Variants in AADAC observed in about 807,000 individuals in gnomAD.
The protein encoded by AADAC is arylacetamide deacetylase.
AADAC carries 17 observed loss-of-function variants against 22.7 expected under a neutral mutation model. That is an observed-to-expected ratio of 0.75 (90% CI 0.51 to 1.12). The LOEUF (loss-of-function observed/expected upper bound fraction) is 1.12. Among genes scored for constraint, AADAC ranks in the 50% most tolerant of loss-of-function variants. The pLI is 0.00. For missense variants in AADAC, 465 were observed against 473.9 expected (o/e 0.98, Z 0.17); for synonymous variants, 167 against 176.3 (o/e 0.95, Z 0.42).
In AADAC at chr3:151,824,571, T is replaced by C. The variant is rs528518511; in HGVS notation, c.432-92T>C. On this transcript the variant is annotated intron_variant, in intron 3 of 4. Transcript: ENST00000232892. ...ATGTATTAGGTTGGTGCAAAAGTTA[T>C]TGCGGTTTTGTCATTACTTTTGCAC... 1.6e-5 allele frequency: 17 copies of C among 1,053,526 alleles called. No homozygotes were observed. In the African/African-American group the frequency reaches 2.5e-4, roughly 15 times the overall value. The allele number at this position is 1,053,526 out of a possible 1,614,324, so 65.3% of individuals were successfully genotyped here.
chr3:151,820,358 T>C, intron 2 of AADAC, 25 bp from the exon 3 acceptor site: 4 of 1,528,654 alleles, frequency 2.6e-6, no homozygotes, highest in South Asian at 1.2e-5. Context: ...TTTACTAATA[T>C]GTTGCTTTTA....
chr3:151,820,683 A>G (rs1253355751), intron 3 of AADAC, among the ~76,000 whole-genome samples: 1 of 90,932 alleles, frequency 1.1e-5, no homozygotes, highest in East Asian at 2.5e-4. Context: ...ACACCCGGCT[A>G]ATTTTTTTAT....
chr3:151,822,178 A>C (rs910285581), intron 3 of AADAC, among the ~76,000 whole-genome samples: 3 of 151,992 alleles, frequency 2.0e-5, no homozygotes, highest in East Asian at 3.8e-4. Context: ...TAAAAAGATA[A>C]TAACAAGCGT....
At chr3:151,826,277 T>A (rs1426814782) in intron 4 of AADAC, among the ~76,000 whole-genome samples, 1 of 152,024 alleles carries the variant, frequency 6.6e-6, no homozygotes, top group Non-Finnish European at 1.5e-5. Context: ...AGCATTAGAC[T>A]GGACATCAGG....
At position 151,814,610 on chromosome 3, in the gene AADAC, G is replaced by T. The variant is rs550872326; in HGVS notation, c.138+310G>T. Among the ~76,000 whole-genome samples, 8 of 152,072 alleles carry T rather than the reference G, an allele frequency of 5.3e-5. No homozygotes were observed. In the South Asian group the frequency reaches 1.5e-3, roughly 28 times the overall value. On this transcript the variant is annotated intron_variant, in intron 1 of 4. Transcript: ENST00000232892. ...CTTTGAAATTCTTATCTTAGGTATG[G>T]TTTGTTCCTTAAATTTTATACTCAA...
At chr3:151,825,541 T>C (rs1013600166) in intron 4 of AADAC, among the ~76,000 whole-genome samples, 1 of 152,000 alleles carries the variant, frequency 6.6e-6, no homozygotes, top group African/African-American at 2.4e-5. Context: ...TATTCCTTTA[T>C]TACCATAATA....
chr3:151,815,399 T>TG (rs1335641988), intron 1 of AADAC, among the ~76,000 whole-genome samples: 1 of 152,028 alleles, frequency 6.6e-6, no homozygotes, highest in African/African-American at 2.4e-5. Context: ...TTGGGTTTAA[T>TG]GGGGAAATTG....
intron 1 of AADAC, among the ~76,000 whole-genome samples, chr3:151,815,767 T>C (rs1715958062): frequency 1.3e-5 from 2 of 152,024 alleles, no homozygotes; most frequent in Non-Finnish European, 2.9e-5. Context: ...TTTAATGCCC[T>C]TTCTTATTCC....
In AADAC at chr3:151,824,813, A is replaced by T; in HGVS notation, c.582A>T (p.Leu194Phe). 6.3e-7 allele frequency: 1 copy of T among 1,587,316 alleles called. No homozygotes were observed. Among genetic ancestry groups the T allele is most frequent in the Non-Finnish European group, 8.6e-7 (1 of 1,168,596 alleles). Reference protein sequence around the residue: ...GISGDSAGGNLAAAVTQQLLD... With the variant: ...GISGDSAGGNFAAAVTQQLLD... ...CTGGAGATAGTGCAGGAGGGAATTT[A>T]GCTGCAGCAGTGACTCAACAGGTAT... The change falls in exon 4 of 5, where the codon TTA becomes TTT. Residue 194 changes from leucine (L) to phenylalanine (F), a missense_variant. Physicochemically the swap from Leu to Phe is conservative, Grantham distance 22 (BLOSUM62 0). Transcript: ENST00000232892.
In AADAC at chr3:151,828,259, T is replaced by C. The variant is rs1716593362; in HGVS notation, c.*87T>C. On this transcript the variant is annotated 3_prime_UTR_variant, in exon 5 of 5. Transcript: ENST00000232892. ...TAGAAATTGGTCTTTCTTAGAATGG[T>C]CTAGTTAAGTTCCACATGTAGCATA... is the stretch of plus-strand genomic sequence containing the variant. The C allele has an allele frequency of 5.2e-6, 4 of 763,708 alleles. No individual in the cohort carries two copies. In the South Asian group the frequency reaches 1.2e-4, roughly 23 times the overall value. The allele number at this position is 763,708 out of a possible 1,614,324, so 47.3% of individuals were successfully genotyped here. A position where few individuals can be genotyped will look rare whatever the true frequency, so the allele number is the denominator to read the frequency against.
At chr3:151,815,333 A>G (rs8193024) in intron 1 of AADAC, among the ~76,000 whole-genome samples, 24,327 of 151,942 alleles carry the variant, frequency 0.16, 2,227 homozygotes, top group Middle Eastern at 0.2. Flanking sequence ...GACACCAACA[A>G]GTAAAAACAC....
chr3:151,816,715 G>A (rs1716001953), intron 1 of AADAC, among the ~76,000 whole-genome samples: 1 of 151,936 alleles, frequency 6.6e-6, no homozygotes, highest in Non-Finnish European at 1.5e-5. Flanking sequence ...ATACATAATA[G>A]ACTTACAAAA....
At position 151,820,399 on chromosome 3, in the gene AADAC, C is replaced by A; in HGVS notation, c.378C>A (p.Asp126Glu). ...TTATTTCAGCTCTAAGTGGTTATGA[C>A]TTGCTGTCAAGATGGACAGCAGACA... ...CVGSAALSGYDLLSRWTADRL... is the reference protein window; with the variant it reads ...CVGSAALSGYELLSRWTADRL... The change falls in exon 3 of 5, where the codon GAC becomes GAA. Residue 126 changes from aspartate (D) to glutamate (E), a missense_variant. Transcript: ENST00000232892. 6.3e-7 allele frequency: 1 copy of A among 1,584,464 alleles called. No homozygotes were observed. Among genetic ancestry groups the A allele is most frequent in the Non-Finnish European group, 8.6e-7 (1 of 1,162,832 alleles).
chr3:151,827,567 G>T lies in AADAC; in HGVS notation c.604-9G>T, dbSNP rs1399667864. ...GAAAATGATTTGTGCAAATCATCTT[G>T]CTTCTCAGCTCCTTGATGACCCAGA... On this transcript the variant is annotated splice_polypyrimidine_tract_variant and intron_variant, in intron 4 of 4. Coordinates refer to ENST00000232892, the MANE Select transcript of AADAC (RefSeq NM_001086.3). 1 of 1,494,116 alleles carries T rather than the reference G, an allele frequency of 6.7e-7. No individual in the cohort carries two copies. Among genetic ancestry groups the T allele is most frequent in the Non-Finnish European group, 9.0e-7 (1 of 1,107,126 alleles). 92.6% of individuals were successfully genotyped at this position (1,494,116 alleles called of 1,614,324 possible).
At chr3:151,823,477 A>G (rs1030575444) in intron 3 of AADAC, among the ~76,000 whole-genome samples, 6 of 151,934 alleles carry the variant, frequency 3.9e-5, no homozygotes, top group Non-Finnish European at 8.8e-5. Flanking sequence ...CAGAAAGACA[A>G]TTTACAGAAA....
chr3:151,821,261 G>A (rs994489764), intron 3 of AADAC, among the ~76,000 whole-genome samples: 20 of 151,868 alleles, frequency 1.3e-4, no homozygotes, highest in South Asian at 2.1e-4. Context: ...AAAATATAGC[G>A]TATAGTTTAG....
intron 4 of AADAC, among the ~76,000 whole-genome samples, chr3:151,825,253 G>GT (rs1157431267): frequency 1.3e-5 from 2 of 151,558 alleles, no homozygotes; most frequent in African/African-American, 4.8e-5. Flanking sequence ...GCATAATAGT[G>GT]TAAGTTTGTA....
chr3:151,820,519 T>TTTC, intron 3 of AADAC, 67 bp downstream of exon 3: 2 of 882,464 alleles, frequency 2.3e-6, no homozygotes, highest in Non-Finnish European at 3.0e-6. Flanking sequence ...CAGCTTTCTT[T>TTTC]TTTTTTTTTT....
chr3:151,825,220 A>AC (rs1342686837), intron 4 of AADAC, among the ~76,000 whole-genome samples: 1 of 151,574 alleles, frequency 6.6e-6, no homozygotes, highest in East Asian at 1.9e-4. Flanking sequence ...AAAAAAAAAA[A>AC]AGAAAAAAGA....
Sources: gnomAD v4.1 joint callset for allele counts (sites outside exome capture counted in the v4.1 genomes callset) on GRCh38, gnomAD v4.1.1 for gene constraint, MANE v1.5 for transcripts, NCBI Gene and HGNC (gene_info 2026-07-23, HGNC 2026-07-21) for gene names.